The following TMPRSS2 variants were observed in gnomAD, a reference collection of about 807,000 sequenced individuals.
TMPRSS2 encodes transmembrane protease serine 2.
TMPRSS2 carries 59 observed loss-of-function variants against 67.4 expected under a neutral mutation model. The ratio of observed to expected loss-of-function variants is 0.88; its 90% CI spans 0.71 to 1.09. TMPRSS2 has a LOEUF of 1.09. Among genes scored for constraint, TMPRSS2 ranks in the 50% least tolerant of loss-of-function variants. The pLI, the probability that TMPRSS2 is intolerant of heterozygous loss-of-function variation, is 0.00. For missense variants in TMPRSS2, 668 were observed against 642.7 expected, an observed-to-expected ratio of 1.04 and a Z score of -0.43; for synonymous variants, 257 against 257.0, an observed-to-expected ratio of 1.00 and a Z score of 0.00.
At chr21:41,495,626 CA>C (rs11336247) in intron 2 of TMPRSS2, among the ~76,000 whole-genome samples, 86,768 of 128,158 alleles carry the variant, frequency 0.68, 28,328 homozygotes, top group Middle Eastern at 0.79. Context: ...ACTCCCGTCT[CA>C]AAAAAAAAAA....
intron 3 of TMPRSS2, among the ~76,000 whole-genome samples, chr21:41,493,238 G>A (rs891850946): frequency 2.6e-5 from 4 of 152,092 alleles, no homozygotes; most frequent in African/African-American, 4.8e-5. Context: ...GGGGAGCATC[G>A]GAAGAAGGGA....
intron 1 of TMPRSS2, among the ~76,000 whole-genome samples, chr21:41,501,003 T>C (rs1368568060): frequency 1.3e-5 from 2 of 152,150 alleles, no homozygotes; most frequent in African/African-American, 4.8e-5. Flanking sequence ...TTGGTTGAAG[T>C]TTCAGGAAGT....
chr21:41,466,259 G>T, intron 13 of TMPRSS2, 106 bp from the exon 14 acceptor site: 1 of 1,127,792 alleles, frequency 8.9e-7, no homozygotes, highest in Non-Finnish European at 1.3e-6. Context: ...AACCAAATAA[G>T]CAAGCTTAAT....
intron 5 of TMPRSS2, among the ~76,000 whole-genome samples, chr21:41,484,929 T>G (rs1178256813): frequency 6.6e-6 from 1 of 152,088 alleles, no homozygotes; most frequent in Non-Finnish European, 1.5e-5. Flanking sequence ...GAGAGTCAAC[T>G]GGCTAGGAAC....
intron 5 of TMPRSS2, 144 bp downstream of exon 5, chr21:41,488,250 G>T: frequency 1.0e-6 from 1 of 997,542 alleles, no homozygotes; most frequent in Non-Finnish European, 1.4e-6. Context: ...GAGCCCCAGG[G>T]CTCAGCCTGG....
At chr21:41,506,649 A>C (rs191587330) in intron 1 of TMPRSS2, 1 of 152,298 alleles carries the variant, frequency 6.6e-6, no homozygotes, top group East Asian at 1.9e-4. Context: ...TGCGCTGGTA[A>C]ACTCTCCCTG....
At chr21:41,466,458 G>A (rs369640768) in intron 13 of TMPRSS2, among the ~76,000 whole-genome samples, 6 of 152,180 alleles carry the variant, frequency 3.9e-5, no homozygotes, top group South Asian at 2.1e-4. Context: ...ACAGCCATGC[G>A]GACCCACCTG....
chr21:41,470,519 T>A, intron 11 of TMPRSS2, 129 bp downstream of exon 11: 1 of 795,370 alleles, frequency 1.3e-6, no homozygotes, highest in Non-Finnish European at 2.0e-6. Flanking sequence ...GCACAAGGAC[T>A]GGGGGAATCA....
intron 2 of TMPRSS2, among the ~76,000 whole-genome samples, chr21:41,496,735 C>G (rs1340875460): frequency 1.3e-5 from 2 of 151,920 alleles, no homozygotes; most frequent in Admixed American, 1.3e-4. Flanking sequence ...GGCTGGGCCA[C>G]TCTGGGAGGC....
intron 5 of TMPRSS2, among the ~76,000 whole-genome samples, chr21:41,483,374 C>T (rs2146457386): frequency 6.6e-6 from 1 of 152,208 alleles, no homozygotes; most frequent in African/African-American, 2.4e-5. Flanking sequence ...ACCTCCACCT[C>T]CTGGGTTCAA....
intron 1 of TMPRSS2, among the ~76,000 whole-genome samples, chr21:41,501,608 CAAAAAAAAAAAAAAAA>C (rs57394908): frequency 1.2e-5 from 1 of 86,536 alleles, no homozygotes; most frequent in Non-Finnish European, 2.3e-5. Flanking sequence ...GACTCTGTCT[CAAAAAAAAAAAAAAAA>C]AAAAAAAAAA....
At chr21:41,475,640 GTGA>G in intron 8 of TMPRSS2, among the ~76,000 whole-genome samples, 1 of 45,400 alleles carries the variant, frequency 2.2e-5, no homozygotes, top group Non-Finnish European at 5.2e-5. Flanking sequence ...GGTTGAGGGA[GTGA>G]GGAGGTGAGT....
intron 3 of TMPRSS2, among the ~76,000 whole-genome samples, chr21:41,493,037 G>A (rs1024577923): frequency 1.1e-4 from 16 of 152,110 alleles, no homozygotes; most frequent in African/African-American, 2.4e-4. Flanking sequence ...TGTGCCTTGC[G>A]GGAGGTTGAG....
chr21:41,490,295 G>C (rs893022171), intron 3 of TMPRSS2, among the ~76,000 whole-genome samples: 6 of 151,904 alleles, frequency 3.9e-5, no homozygotes, highest in Non-Finnish European at 7.4e-5. Flanking sequence ...TCATCACTCT[G>C]TTAGTGGTAC....
At chr21:41,495,889 C>A (rs916857087) in intron 2 of TMPRSS2, among the ~76,000 whole-genome samples, 15 of 150,430 alleles carry the variant, frequency 1.0e-4, no homozygotes, top group African/African-American at 3.7e-4. Flanking sequence ...CCAAGTTTGC[C>A]CAATGGGCTA....
Position 41,486,112 on chromosome 21 carries a change from G to GAGAA in TMPRSS2, c.445+2278_445+2281dup, listed in dbSNP as rs138928680. On this transcript the variant is annotated intron_variant, in intron 5 of 13. Coordinates refer to ENST00000332149, the MANE Select transcript of TMPRSS2 (RefSeq NM_005656.4). Reference sequence around the variant, plus strand: ...TAGGACTGCACTTGAGGGAGGGGAGGAGAACTACCTAAGAGATTTCTGGTA... The same window carrying GAGAA: ...TAGGACTGCACTTGAGGGAGGGGAGGAGAAAGAACTACCTAAGAGATTTCTGGTA... 1.5e-3 allele frequency among the ~76,000 whole-genome samples: 235 copies of GAGAA among 152,190 alleles called. 2 individuals are homozygous for GAGAA. Among genetic ancestry groups the GAGAA allele is most frequent in the African/African-American group, 4.5e-3 (186 of 41,542 alleles).
At chr21:41,501,434 C>T (rs1029780388) in intron 1 of TMPRSS2, among the ~76,000 whole-genome samples, 2 of 151,922 alleles carry the variant, frequency 1.3e-5, no homozygotes, top group South Asian at 2.1e-4. Flanking sequence ...CATAGTGAAA[C>T]CCCATCTCTA....
In TMPRSS2 at chr21:41,489,520, T is replaced by C. The variant is rs1409222874; in HGVS notation, c.312A>G (p.Leu104=). ...CCCTGCACTTACTGAACTTCCAGAG[T>C]AGGCCAGCGGCCAGCGCAGCTCCCA... ...FLVGAALAAG[L]LWKFMGSKCS... is the part of the protein sequence containing the mutation. The change falls in exon 4 of 14, where the codon CTA becomes CTG. Residue 104 remains leucine, a synonymous_variant. Transcript: ENST00000332149. 1 of 1,613,880 alleles carries C rather than the reference T, an allele frequency of 6.2e-7. No individual in the cohort carries two copies. The highest frequency in any genetic ancestry group is 1.6e-4 in the Middle Eastern group (1 of 6,062).
Position 41,491,042 on chromosome 21 carries a change from T to C in TMPRSS2, c.239-1449A>G, listed in dbSNP as rs1404996705. Among the ~76,000 whole-genome samples, 3 of 152,124 alleles carry C rather than the reference T, an allele frequency of 2.0e-5. No individual in the cohort carries two copies. In the East Asian group the frequency reaches 5.8e-4, roughly 29 times the overall value. On this transcript the variant is annotated intron_variant, in intron 3 of 13. Transcript: ENST00000332149. The stretch of plus-strand genomic sequence containing the variant: ...CTTTGTGACAACATTCTGATAATTC[T>C]ACCATCACTCTCAAACTGTTACAGG...
Sources: allele counts gnomAD v4.1 joint callset (sites outside exome capture counted in the v4.1 genomes callset), GRCh38; gene constraint gnomAD v4.1.1; transcripts MANE v1.5; gene names NCBI Gene and HGNC (gene_info 2026-07-23, HGNC 2026-07-21).